Variants in CSMD1 observed in about 807,000 individuals in gnomAD.
CSMD1 encodes CUB and Sushi multiple domains 1, also known as CUB and sushi domain-containing protein 1.
Under a neutral mutation model 417.5 loss-of-function variants are expected in CSMD1, and 213 were observed. The ratio of observed to expected loss-of-function variants is 0.51; its 90% CI spans 0.46 to 0.57. CSMD1 has a LOEUF of 0.57. Ranked by LOEUF, CSMD1 falls within the 20% of genes least tolerant of loss-of-function variation. The pLI is 0.00. For synonymous variants in CSMD1, 2,862 were observed against 1,736.8 expected (o/e 1.65, Z -16.11); for missense variants, 6,923 against 4,529.7 (o/e 1.53, Z -15.17).
At chr8:4,329,722 G>C (rs1380298588) in intron 3 of CSMD1, among the ~76,000 whole-genome samples, 2 of 152,230 alleles carry the variant, frequency 1.3e-5, no homozygotes, top group African/African-American at 4.8e-5. Flanking sequence ...TCCGGTGGGA[G>C]GTATCTGGAC....
intron 6 of CSMD1, among the ~76,000 whole-genome samples, chr8:3,724,790 G>A (rs1192581327): frequency 1.3e-5 from 2 of 152,170 alleles, no homozygotes; most frequent in African/African-American, 4.8e-5. Flanking sequence ...AATACCAGCA[G>A]TACTTTGCCA....
intron 1 of CSMD1, among the ~76,000 whole-genome samples, chr8:4,723,967 C>T (rs1301131383): frequency 2.0e-5 from 3 of 151,964 alleles, no homozygotes; most frequent in Non-Finnish European, 4.4e-5. Flanking sequence ...CATCCAATCT[C>T]GGGCAGAAAG....
In CSMD1 at chr8:4,180,293, T is replaced by C. The variant is rs202164479; in HGVS notation, c.416-148194A>G. 1.1e-4 allele frequency among the ~76,000 whole-genome samples: 16 copies of C among 151,942 alleles called. No homozygotes were observed. The East Asian group carries it at 3.1e-3, about 29-fold the overall frequency. Reference sequence around the variant, plus strand: ...TCCTTTGTAGGGATATGGATGACACTGGAAATCATCATTGTCAGTAAACTA... The same window carrying C: ...TCCTTTGTAGGGATATGGATGACACCGGAAATCATCATTGTCAGTAAACTA... On this transcript the variant is annotated intron_variant, in intron 3 of 69. Transcript: ENST00000635120.
intron 6 of CSMD1, among the ~76,000 whole-genome samples, chr8:3,710,673 C>G (rs1201739534): frequency 6.6e-6 from 1 of 152,140 alleles, no homozygotes; most frequent in African/African-American, 2.4e-5. Flanking sequence ...GTCCCTGAAA[C>G]CATGTGTTAG....
In CSMD1 at chr8:3,708,437, T is replaced by A. The variant is rs777700174; in HGVS notation, c.986A>T (p.Asp329Val). 4 of 1,613,930 alleles carry A rather than the reference T, an allele frequency of 2.5e-6. No homozygotes were observed. The highest frequency in any genetic ancestry group is 1.1e-5 in the South Asian group (1 of 91,068). ...ACAGACAGAGTTTTTATGGCTTCCA[T>A]CCTTGCTGGGCAGCATCTTGACTCC... ...SRGVKMLPSK[D>V]GSHKNSVLSQ... The change falls in exon 7 of 70, where the codon GAT (aspartate) becomes GTT (valine). Residue 329 changes from aspartate (D) to valine (V), a missense_variant. Coordinates refer to ENST00000635120, the MANE Select transcript of CSMD1 (RefSeq NM_033225.6).
At chr8:4,202,890 G>T (rs1452918201) in intron 3 of CSMD1, among the ~76,000 whole-genome samples, 1 of 152,186 alleles carries the variant, frequency 6.6e-6, no homozygotes, top group East Asian at 1.9e-4. Flanking sequence ...TCCTGGAGAA[G>T]GGGCATGGAC....
At chr8:4,001,308 C>T (rs1815654517) in intron 4 of CSMD1, among the ~76,000 whole-genome samples, 1 of 152,126 alleles carries the variant, frequency 6.6e-6, no homozygotes, top group Admixed American at 6.6e-5. Context: ...ATAACAGGGA[C>T]ACCAGCCATA....
At position 3,395,523 on chromosome 8, in the gene CSMD1, T is replaced by G. The variant is rs568225047; in HGVS notation, c.2593+671A>C. Reference sequence around the variant, plus strand: ...CTCATCATTTCAGAAGCTAAAACTTTGATTTCAGTAAACAAGGGCAGGAAA... The same window carrying G: ...CTCATCATTTCAGAAGCTAAAACTTGGATTTCAGTAAACAAGGGCAGGAAA... On this transcript the variant is annotated intron_variant, in intron 17 of 69. Coordinates refer to ENST00000635120, the MANE Select transcript of CSMD1 (RefSeq NM_033225.6). Among the ~76,000 whole-genome samples the G allele has an allele frequency of 6.6e-5, 10 of 152,344 alleles. No individual in the cohort carries two copies. In the South Asian group the frequency reaches 2.1e-3, roughly 32 times the overall value.
intron 3 of CSMD1, among the ~76,000 whole-genome samples, chr8:4,374,593 A>C (rs920496989): frequency 6.6e-6 from 1 of 152,096 alleles, no homozygotes; most frequent in Non-Finnish European, 1.5e-5. Flanking sequence ...AAGACAAGGG[A>C]AGCAGCTAAG....
chr8:3,095,279 C>A lies in CSMD1; in HGVS notation c.7138+1570G>T, dbSNP rs537561721. On this transcript the variant is annotated intron_variant, in intron 47 of 69. Coordinates refer to ENST00000635120, the MANE Select transcript of CSMD1 (RefSeq NM_033225.6). ...GACATACAGCCTGTGAGGTTGGATG[C>A]TCTACATTTTAATTTTTGCATAATA... Among the ~76,000 whole-genome samples, 542 of 152,182 alleles carry A rather than the reference C, an allele frequency of 3.6e-3. 1 individual carries two copies. The highest frequency in any genetic ancestry group is 6.5e-3 in the Non-Finnish European group (441 of 67,986).
intron 5 of CSMD1, among the ~76,000 whole-genome samples, chr8:3,840,028 A>C (rs1345162935): frequency 6.6e-6 from 1 of 152,112 alleles, no homozygotes; most frequent in African/African-American, 2.4e-5. Flanking sequence ...TAAGAGTCCT[A>C]TGTTTCTAGG....
chr8:4,224,005 A>G (rs1449883939), intron 3 of CSMD1, among the ~76,000 whole-genome samples: 3 of 152,104 alleles, frequency 2.0e-5, no homozygotes, highest in Non-Finnish European at 2.9e-5. Context: ...TTTAAACCCA[A>G]ACTCGTATCC....
intron 7 of CSMD1, among the ~76,000 whole-genome samples, chr8:3,657,921 C>G (rs1208335964): frequency 2.0e-5 from 3 of 151,992 alleles, no homozygotes; most frequent in Non-Finnish European, 1.5e-5. Flanking sequence ...TTTCTTTTTC[C>G]TTTTTCTGAT....
intron 3 of CSMD1, among the ~76,000 whole-genome samples, chr8:4,123,368 C>A (rs1423468864): frequency 3.3e-5 from 5 of 152,184 alleles, no homozygotes; most frequent in African/African-American, 1.2e-4. Flanking sequence ...CATCCCATAA[C>A]GTCCTTTATT....
Position 4,235,198 on chromosome 8 carries a change from A to G in CSMD1, c.415+184755T>C, listed in dbSNP as rs142224678. Reference sequence around the variant, plus strand: ...TCAGAGGCATCTCTCTCCTGTCCAAACTCAAGAATGGACCAAGGGTGCAAA... The same window carrying G: ...TCAGAGGCATCTCTCTCCTGTCCAAGCTCAAGAATGGACCAAGGGTGCAAA... On this transcript the variant is annotated intron_variant, in intron 3 of 69. Coordinates refer to ENST00000635120, the MANE Select transcript of CSMD1 (RefSeq NM_033225.6). Among the ~76,000 whole-genome samples, 24 of 152,200 alleles carry G rather than the reference A, an allele frequency of 1.6e-4. No homozygotes were observed. In the East Asian group the frequency reaches 4.6e-3, roughly 29 times the overall value.
intron 10 of CSMD1, among the ~76,000 whole-genome samples, chr8:3,517,651 G>C (rs535721112): frequency 1.6e-3 from 248 of 152,236 alleles, no homozygotes; most frequent in African/African-American, 5.6e-3. Context: ...CTTTCTGAAA[G>C]AATTTTGGTC....
chr8:4,294,596 C>G (rs989785827), intron 3 of CSMD1, among the ~76,000 whole-genome samples: 1 of 152,076 alleles, frequency 6.6e-6, no homozygotes, highest in Non-Finnish European at 1.5e-5. Context: ...GAAACCAGGT[C>G]TAAGGACTAC....
chr8:3,424,177 G>C (rs1298891624), intron 12 of CSMD1, among the ~76,000 whole-genome samples: 1 of 152,126 alleles, frequency 6.6e-6, no homozygotes, highest in Non-Finnish European at 1.5e-5. Flanking sequence ...GATTCAATTA[G>C]AGTTTATGAT....
At position 4,525,575 on chromosome 8, in the gene CSMD1, T is replaced by C. The variant is rs535797913; in HGVS notation, c.303-105510A>G. Among the ~76,000 whole-genome samples the C allele has an allele frequency of 4.4e-4, 67 of 152,302 alleles. 1 individual carries two copies. Among genetic ancestry groups the C allele is most frequent in the African/African-American group, 1.5e-3 (62 of 41,570 alleles). On this transcript the variant is annotated intron_variant, in intron 2 of 69. Coordinates refer to ENST00000635120, the MANE Select transcript of CSMD1 (RefSeq NM_033225.6). The stretch of plus-strand genomic sequence containing the variant: ...AAAGGAAATGATTGCACATAAGAAA[T>C]TGTAATTATCTGGTTTATACATGAA...
Sources: gnomAD v4.1 joint callset for allele counts (sites outside exome capture counted in the v4.1 genomes callset) on GRCh38, gnomAD v4.1.1 for gene constraint, MANE v1.5 for transcripts, NCBI Gene and HGNC (gene_info 2026-07-23, HGNC 2026-07-21) for gene names.